PNISR: variants seen among roughly 807,000 people sequenced by gnomAD.
PNISR encodes the protein arginine/serine-rich protein PNISR.
Under a neutral mutation model 93.4 loss-of-function variants are expected in PNISR, and 20 were observed. The observed-to-expected ratio is 0.21, with a 90% CI of 0.15 to 0.31. The LOEUF (loss-of-function observed/expected upper bound fraction) is 0.31, where lower values mean the gene tolerates loss of function less well. Ranked by LOEUF, PNISR falls within the 10% of genes least tolerant of loss-of-function variation. The pLI, the probability that PNISR is intolerant of heterozygous loss-of-function variation, is 1.00. For missense variants in PNISR, 893 were observed against 985.4 expected (o/e 0.91, Z 1.25); for synonymous variants, 305 against 306.5 (o/e 0.99, Z 0.05).
chr6:99,412,426 A>T (rs1333527363), intron 4 of PNISR, 125 bp downstream of exon 4: 1 of 744,126 alleles, frequency 1.3e-6, no homozygotes, highest in East Asian at 2.7e-5. Context: ...CAAATTGAAA[A>T]CTGCCTATTC....
At chr6:99,404,577 G>A (rs1004389481) in intron 9 of PNISR, 26 bp downstream of exon 9, 32 of 1,339,006 alleles carry the variant, frequency 2.4e-5, no homozygotes, top group Non-Finnish European at 3.4e-5. Flanking sequence ...CCCAGGAAAA[G>A]CAAAACCAGA....
At chr6:99,423,103 A>C (rs1778834874) in intron 1 of PNISR, among the ~76,000 whole-genome samples, 1 of 151,928 alleles carries the variant, frequency 6.6e-6, no homozygotes, top group African/African-American at 2.4e-5. Context: ...AATATAAAAG[A>C]TGAGTCTGGG....
chr6:99,424,899 G>A (rs1305695496), intron 1 of PNISR: 1 of 243,338 alleles, frequency 4.1e-6, no homozygotes, highest in Non-Finnish European at 7.7e-6. Flanking sequence ...CCCACAAGGG[G>A]GTTCCCACTG....
intron 2 of PNISR, chr6:99,415,604 T>TA (rs368784933): frequency 4.3e-4 from 66 of 152,336 alleles, no homozygotes; most frequent in African/African-American, 1.5e-3. Context: ...CCAACACTGA[T>TA]ACACAACCCT....
intron 1 of PNISR, among the ~76,000 whole-genome samples, chr6:99,421,586 G>C (rs1298397016): frequency 6.6e-6 from 1 of 152,108 alleles, no homozygotes; most frequent in Admixed American, 6.5e-5. Context: ...GAACATCAAG[G>C]ATTGACAAGA....
intron 3 of PNISR, among the ~76,000 whole-genome samples, chr6:99,413,453 C>T (rs895221274): frequency 6.6e-6 from 1 of 151,940 alleles, no homozygotes; most frequent in African/African-American, 2.4e-5. Context: ...CATGATCCAT[C>T]CATCCATCCA....
rs767823904 is a variant in PNISR, at chr6:99,421,338, T to TTG, written c.-112+3876_-112+3877insCA. Among the ~76,000 whole-genome samples the TTG allele has an allele frequency of 5.3e-5, 8 of 152,334 alleles. No individual in the cohort carries two copies. In the East Asian group the frequency reaches 1.5e-3, roughly 29 times the overall value. ...CTATCACCAGTGTTATGGAATGAATTGTGTCCCCATCCAACAGATACACTG... is the reference window on the plus strand; with the variant it reads ...CTATCACCAGTGTTATGGAATGAATTTGGTGTCCCCATCCAACAGATACACTG... On this transcript the variant is annotated intron_variant, in intron 1 of 11. Coordinates refer to ENST00000369239, the MANE Select transcript of PNISR (RefSeq NM_032870.4).
In PNISR at chr6:99,400,926, T is replaced by C. The variant is rs924942920; in HGVS notation, c.2032A>G (p.Lys678Glu). Reference protein sequence around the residue: ...ERSRSIDKDRKKKDKEREREQ... With the variant: ...ERSRSIDKDREKKDKEREREQ... ...CGTTCCCTTTCTTTGTCTTTCTTTT[T>C]CCTATCTTTATCTATACTTCGACTC... Residue 678 changes from lysine (K) to glutamate (E), a missense_variant, in exon 12 of 12, where the codon AAA becomes GAA. Lys to Glu is a moderately conservative substitution (Grantham distance 56). Coordinates refer to ENST00000369239, the MANE Select transcript of PNISR (RefSeq NM_032870.4). 7 of 1,576,692 alleles carry C rather than the reference T, an allele frequency of 4.4e-6. No homozygotes were observed. The highest frequency in any genetic ancestry group is 4.1e-5 in the African/African-American group (3 of 73,898).
chr6:99,424,005 A>T (rs1779040887), intron 1 of PNISR, among the ~76,000 whole-genome samples: 1 of 152,162 alleles, frequency 6.6e-6, no homozygotes, highest in Admixed American at 6.5e-5. Flanking sequence ...TCTTCTTTAA[A>T]GACCCTCTCT....
intron 1 of PNISR, among the ~76,000 whole-genome samples, chr6:99,424,061 T>C (rs1369197850): frequency 6.6e-6 from 1 of 152,174 alleles, no homozygotes; most frequent in Admixed American, 6.5e-5. Context: ...GACTTCAAGA[T>C]ACGAATTTTA....
intron 10 of PNISR, 194 bp downstream of exon 10, chr6:99,403,635 T>C (rs1036201847): frequency 1.5e-5 from 6 of 412,644 alleles, no homozygotes; most frequent in Non-Finnish European, 2.6e-5. Context: ...AACCATCACA[T>C]TTATAAATTT....
intron 1 of PNISR, among the ~76,000 whole-genome samples, chr6:99,418,567 G>C (rs1778051314): frequency 6.6e-6 from 1 of 151,726 alleles, no homozygotes; most frequent in African/African-American, 2.4e-5. Flanking sequence ...TTCTACTTTT[G>C]CTATATTTTT....
chr6:99,419,065 G>T (rs1405758137), intron 1 of PNISR, among the ~76,000 whole-genome samples: 1 of 146,744 alleles, frequency 6.8e-6, no homozygotes, highest in African/African-American at 2.5e-5. Flanking sequence ...CAGGAGAACT[G>T]CTTGAACCCG....
chr6:99,422,787 T>A (rs1304257293), intron 1 of PNISR, among the ~76,000 whole-genome samples: 4 of 146,306 alleles, frequency 2.7e-5, no homozygotes, highest in Admixed American at 7.2e-5. Flanking sequence ...GGCAGGAGAA[T>A]CACTTGAACC....
chr6:99,423,230 T>C (rs1020539483), intron 1 of PNISR, among the ~76,000 whole-genome samples: 18 of 151,884 alleles, frequency 1.2e-4, no homozygotes, highest in Admixed American at 1.1e-3. Flanking sequence ...TGGTACAATT[T>C]GAGCAACAAA....
In PNISR at chr6:99,400,315, A is replaced by G. The variant is rs551282964; in HGVS notation, c.*225T>C. 35 of 1,071,982 alleles carry G rather than the reference A, an allele frequency of 3.3e-5. No homozygotes were observed. Among genetic ancestry groups the G allele is most frequent in the Non-Finnish European group, 4.0e-5 (35 of 879,470 alleles). 66.4% of individuals were successfully genotyped at this position (1,071,982 alleles called of 1,614,324 possible). A position where few individuals can be genotyped will look rare whatever the true frequency, so the allele number is the denominator to read the frequency against. ...ACGACGGGGAGGGGTTGTTGATCTG[A>G]AAAAAAAGGGAAAAGACAAAATTTA... is the stretch of plus-strand genomic sequence containing the variant. On this transcript the variant is annotated 3_prime_UTR_variant, in exon 12 of 12. Coordinates refer to ENST00000369239, the MANE Select transcript of PNISR (RefSeq NM_032870.4).
chr6:99,407,445 A>G (rs1392434058), intron 7 of PNISR, among the ~76,000 whole-genome samples: 2 of 152,104 alleles, frequency 1.3e-5, no homozygotes, highest in Non-Finnish European at 2.9e-5. Flanking sequence ...ATCTTTTGGG[A>G]AAAATAAAAG....
At chr6:99,403,049 A>T (rs1294614524) in intron 10 of PNISR, 2 of 167,044 alleles carry the variant, frequency 1.2e-5, no homozygotes, top group Non-Finnish European at 2.6e-5. Context: ...CCCTGAAAGT[A>T]TTTCTAAAAT....
In PNISR at chr6:99,408,109, CCA is replaced by C; in HGVS notation, c.834_835del (p.Asp278GlufsTer9). On this transcript the variant is annotated frameshift_variant, in exon 7 of 12. Transcript: ENST00000369239. LOFTEE classifies it high-confidence loss of function. Reference sequence around the variant, plus strand: ...TTTACTTCTCTGAGGTAAACGAGGGCCATCCCCTCCTTCAGCATCTTCTGTGG... The same window carrying C: ...TTTACTTCTCTGAGGTAAACGAGGGCTCCCCTCCTTCAGCATCTTCTGTGG... 6.3e-7 allele frequency: 1 copy of C among 1,579,812 alleles called. No homozygotes were observed. The highest frequency in any genetic ancestry group is 8.6e-7 in the Non-Finnish European group (1 of 1,156,084).
Sources: allele counts gnomAD v4.1 joint callset (sites outside exome capture counted in the v4.1 genomes callset), GRCh38; gene constraint gnomAD v4.1.1; transcripts MANE v1.5; gene names NCBI Gene and HGNC (gene_info 2026-07-23, HGNC 2026-07-21).